The following LAMA3 variants were observed in gnomAD, a reference collection of about 807,000 sequenced individuals.
LAMA3 encodes laminin subunit alpha 3, also known as laminin subunit alpha-3.
LAMA3 carries 281 observed loss-of-function variants against 402.0 expected under a neutral mutation model. That is an observed-to-expected ratio of 0.70 (90% CI 0.63 to 0.77). The LOEUF is 0.77. Ranked by LOEUF, LAMA3 falls within the 30% of genes least tolerant of loss-of-function variation. LAMA3 has a pLI of 0.00. For synonymous variants in LAMA3, 1,431 were observed against 1,558.4 expected (o/e 0.92, Z 1.93); for missense variants, 3,840 against 4,215.5 (o/e 0.91, Z 2.47).
intron 1 of LAMA3, among the ~76,000 whole-genome samples, chr18:23,690,345 C>T (rs1444616178): frequency 6.6e-6 from 1 of 152,220 alleles, no homozygotes; most frequent in African/African-American, 2.4e-5. Flanking sequence ...GGTTCAGGGG[C>T]GCCTCCTGCC....
chr18:23,732,726 G>T (rs2061413987), intron 2 of LAMA3, among the ~76,000 whole-genome samples: 1 of 151,952 alleles, frequency 6.6e-6, no homozygotes, highest in African/African-American at 2.4e-5. Flanking sequence ...TCCTTGCTTT[G>T]TTACCTACTC....
rs534649661 is a variant in LAMA3, at chr18:23,883,567, A to G, written c.5223-1206A>G. ...CCAAGTCCTAACATCACCAGAAGTC[A>G]TGTGCCAAGTGTGGCTTCTCTGGAG... On this transcript the variant is annotated intron_variant, in intron 40 of 74. Transcript: ENST00000313654. Among the ~76,000 whole-genome samples the G allele has an allele frequency of 2.6e-5, 4 of 152,326 alleles. No individual in the cohort carries two copies. The South Asian group carries it at 8.3e-4, about 32-fold the overall frequency.
In LAMA3 at chr18:23,846,391, G is replaced by A; in HGVS notation, c.3814G>A (p.Gly1272Arg). 6.2e-7 allele frequency: 1 copy of A among 1,614,140 alleles called. No homozygotes were observed. The highest frequency in any genetic ancestry group is 1.1e-5 in the South Asian group (1 of 91,086). The change falls in exon 31 of 75, where the codon GGG (glycine) becomes AGG (arginine). Residue 1272 changes from glycine (G) to arginine (R), a missense_variant. Physicochemically the swap from Gly to Arg is moderately radical, Grantham distance 125. Coordinates refer to ENST00000313654, the MANE Select transcript of LAMA3 (RefSeq NM_198129.4). ...GALPCECHPT[G>R]ATGPHCSPEG... ...CCTGCCTTGTGAGTGCCACCCCACT[G>A]GGGCCACCGGCCCTCACTGCAGCCC...
chr18:23,800,645 T>C (rs916830434), intron 12 of LAMA3, among the ~76,000 whole-genome samples: 1 of 152,198 alleles, frequency 6.6e-6, no homozygotes, highest in Non-Finnish European at 1.5e-5. Context: ...TATTTAGCTG[T>C]AGTTTCATAT....
intron 54 of LAMA3, 107 bp downstream of exon 54, chr18:23,908,042 C>CTTTA: frequency 9.7e-7 from 1 of 1,030,692 alleles, no homozygotes; most frequent in South Asian, 1.3e-5. Context: ...GAAACTAAAA[C>CTTTA]ATTAGAAAAC....
intron 32 of LAMA3, among the ~76,000 whole-genome samples, chr18:23,854,002 A>G (rs139940718): frequency 6.6e-6 from 1 of 152,152 alleles, no homozygotes; most frequent in Non-Finnish European, 1.5e-5. Flanking sequence ...AAGAATATAG[A>G]TATTGTTTTG....
intron 54 of LAMA3, 150 bp from the exon 55 acceptor site, chr18:23,909,003 G>C (rs1894690298): frequency 1.4e-6 from 1 of 732,748 alleles, no homozygotes; most frequent in Admixed American, 2.0e-5. Context: ...CCATGGGTAA[G>C]GGGGGAACTA....
At chr18:23,907,416 C>A in intron 52 of LAMA3, 134 bp from the exon 53 acceptor site, 1 of 753,080 alleles carries the variant, frequency 1.3e-6, no homozygotes, top group Non-Finnish European at 2.4e-6. Flanking sequence ...ATGCAGTGGG[C>A]ATCTCTGAGG....
intron 18 of LAMA3, among the ~76,000 whole-genome samples, chr18:23,817,671 C>T (rs893408200): frequency 6.6e-6 from 1 of 151,980 alleles, no homozygotes; most frequent in Admixed American, 6.6e-5. Context: ...GCTATGATTG[C>T]ATCACTGCAC....
At chr18:23,873,611 A>G (rs898593779) in intron 38 of LAMA3, among the ~76,000 whole-genome samples, 9 of 152,220 alleles carry the variant, frequency 5.9e-5, no homozygotes, top group Admixed American at 3.9e-4. Context: ...GTGAAATCCA[A>G]TGCTTGAGAA....
intron 1 of LAMA3, among the ~76,000 whole-genome samples, chr18:23,696,503 TC>T (rs1201062979): frequency 1.3e-5 from 2 of 151,998 alleles, no homozygotes; most frequent in Non-Finnish European, 2.9e-5. Context: ...GCAGGTGAAA[TC>T]CCCCTGTTTT....
chr18:23,707,749 C>CTT (rs112324401), intron 1 of LAMA3, among the ~76,000 whole-genome samples: 4 of 140,850 alleles, frequency 2.8e-5, no homozygotes, highest in East Asian at 2.0e-4. Flanking sequence ...AAACAAAATT[C>CTT]TTTTTTTTTT....
chr18:23,899,846 G>T, intron 47 of LAMA3: 1 of 177,204 alleles, frequency 5.6e-6, no homozygotes, highest in Non-Finnish European at 1.2e-5. Context: ...TACAGATTGA[G>T]TTTCCCTTTC....
chr18:23,775,765 TC>T (rs1568172241), intron 9 of LAMA3, 26 bp from the exon 10 acceptor site: 1 of 1,613,824 alleles, frequency 6.2e-7, no homozygotes, highest in South Asian at 1.1e-5. Context: ...GAAGGACGGA[TC>T]CTTTGAAAAC....
intron 13 of LAMA3, among the ~76,000 whole-genome samples, chr18:23,812,256 C>T (rs1480186824): frequency 6.6e-6 from 1 of 152,114 alleles, no homozygotes; most frequent in Admixed American, 6.5e-5. Flanking sequence ...GTGAGAGGAT[C>T]ACTTGAGCCC....
At chr18:23,783,375 A>G (rs1013497677) in intron 11 of LAMA3, among the ~76,000 whole-genome samples, 1 of 152,110 alleles carries the variant, frequency 6.6e-6, no homozygotes, top group African/African-American at 2.4e-5. Context: ...GGGGCCATTT[A>G]TACAGACTGG....
At chr18:23,861,609 A>G in intron 34 of LAMA3, 37 bp from the exon 35 acceptor site, 3 of 1,612,970 alleles carry the variant, frequency 1.9e-6, no homozygotes, top group Non-Finnish European at 2.5e-6. Context: ...GCCACGACCA[A>G]GACGTTTCCA....
chr18:23,901,238 G>A lies in LAMA3; in HGVS notation c.6116G>A (p.Arg2039His), dbSNP rs1352023402. ...NEYEAKLSDLRARLQEAAAQA... is the reference protein window; with the variant it reads ...NEYEAKLSDLHARLQEAAAQA... Reference sequence around the variant, plus strand: ...TACGAAGCCAAACTCAGTGACCTTCGTGCTCGGCTGCAGGAGGCAGCTGCC... The same window carrying A: ...TACGAAGCCAAACTCAGTGACCTTCATGCTCGGCTGCAGGAGGCAGCTGCC... Residue 2039 changes from arginine (R) to histidine (H), a missense_variant, in exon 48 of 75, where the codon CGT becomes CAT. Transcript: ENST00000313654. 2.3e-5 allele frequency: 37 copies of A among 1,614,014 alleles called. No homozygotes were observed. The highest frequency in any genetic ancestry group is 1.6e-4 in the Middle Eastern group (1 of 6,084).
chr18:23,884,781 C>T lies in LAMA3; in HGVS notation c.5231C>T (p.Thr1744Ile). The change falls in exon 41 of 75, where the codon ACT becomes ATT. Residue 1744 changes from threonine to isoleucine, a missense_variant. Coordinates refer to ENST00000313654, the MANE Select transcript of LAMA3 (RefSeq NM_198129.4). ...CPCPHTNSFA[T>I]GCVVNGGDVR... ...TTCTGTCTTCTTTCAAGCTTTGCCACTGGCTGTGTGGTGAATGGGGGAGAC... is the reference window on the plus strand; with the variant it reads ...TTCTGTCTTCTTTCAAGCTTTGCCATTGGCTGTGTGGTGAATGGGGGAGAC... 6.2e-7 allele frequency: 1 copy of T among 1,613,762 alleles called. No homozygotes were observed.
Sources: gnomAD v4.1 joint callset for allele counts (sites outside exome capture counted in the v4.1 genomes callset) on GRCh38, gnomAD v4.1.1 for gene constraint, MANE v1.5 for transcripts, NCBI Gene and HGNC (gene_info 2026-07-23, HGNC 2026-07-21) for gene names.